AP5M1: variants seen among roughly 807,000 people sequenced by gnomAD.
The protein encoded by AP5M1 is AP-5 complex subunit mu-1.
In AP5M1, 44 loss-of-function variants were observed where a neutral mutation model predicts 52.3. The ratio of observed to expected loss-of-function variants is 0.84; its 90% CI spans 0.66 to 1.08. The LOEUF (loss-of-function observed/expected upper bound fraction) is 1.08. AP5M1 is among the 50% of genes least tolerant of loss of function. The pLI is 0.00. For synonymous variants in AP5M1, 213 were observed against 199.0 expected (o/e 1.07, Z -0.59); for missense variants, 526 against 568.4 (o/e 0.93, Z 0.76).
chr14:57,286,102 T>G, intron 6 of AP5M1, 121 bp from the exon 7 acceptor site: 4 of 656,212 alleles, frequency 6.1e-6, no homozygotes, highest in Non-Finnish European at 1.1e-5. Flanking sequence ...TTAGTACTTG[T>G]GGTTTTTATT....
In AP5M1 at chr14:57,286,430, A is replaced by G. The variant is rs1885310859; in HGVS notation, c.1390+111A>G. The G allele has an allele frequency of 6.9e-6, 5 of 726,288 alleles. No homozygotes were observed. In the East Asian group the frequency reaches 1.0e-4, roughly 15 times the overall value. The allele number at this position is 726,288 out of a possible 1,614,324, so 45.0% of individuals were successfully genotyped here. A position where few individuals can be genotyped will look rare whatever the true frequency, so the allele number is the denominator to read the frequency against. ...ACTTAGAGATTAGAGAATAATCCCA[A>G]TTTATAAAATTCTGGGCTGATTCTA... On this transcript the variant is annotated intron_variant, in intron 7 of 7. Transcript: ENST00000261558.
Position 57,274,445 on chromosome 14 carries a change from A to G in AP5M1, c.276A>G (p.Glu92=). The change falls in exon 2 of 8, where the codon GAA becomes GAG. Residue 92 remains glutamate (E), a synonymous_variant. Transcript: ENST00000261558. ...SIYGLLIGGE[E]LWPVVAFLKN... ...ATGGACTCCTGATAGGAGGTGAAGA[A>G]CTCTGGCCAGTTGTTGCTTTTCTGA... The G allele has an allele frequency of 3.1e-6, 5 of 1,614,010 alleles. No homozygotes were observed. The highest frequency in any genetic ancestry group is 4.2e-6 in the Non-Finnish European group (5 of 1,180,004).
intron 1 of AP5M1, among the ~76,000 whole-genome samples, chr14:57,272,896 TTTGCTTGC>T (rs1224152468): frequency 6.6e-6 from 1 of 150,862 alleles, no homozygotes; most frequent in Non-Finnish European, 1.5e-5. Flanking sequence ...TGTTTGTTTG[TTTGCTTGC>T]TTGCTTGCTT....
At position 57,269,313 on chromosome 14, in the gene AP5M1, C is replaced by A; in HGVS notation, c.-2C>A. 1 of 1,614,100 alleles carries A rather than the reference C, an allele frequency of 6.2e-7. No homozygotes were observed. The highest frequency in any genetic ancestry group is 8.5e-7 in the Non-Finnish European group (1 of 1,179,984). On this transcript the variant is annotated 5_prime_UTR_variant, in exon 1 of 8. Transcript: ENST00000261558. ...ATGAGCTAATGCTTTACTGACTTAACCATGGCGCAGCGGGCAGTGTGGCTC... is the reference window on the plus strand; with the variant it reads ...ATGAGCTAATGCTTTACTGACTTAAACATGGCGCAGCGGGCAGTGTGGCTC...
intron 1 of AP5M1, among the ~76,000 whole-genome samples, chr14:57,272,291 C>G (rs1364177916): frequency 1.3e-5 from 2 of 152,054 alleles, no homozygotes; most frequent in Non-Finnish European, 2.9e-5. Context: ...GGTGTTAGAG[C>G]TACACAGATA....
At position 57,271,612 on chromosome 14, in the gene AP5M1, T is replaced by G. The variant is rs1884897902; in HGVS notation, c.74+2224T>G. ...GTCATTTTTAGATAGTACAGATATT[T>G]TCTTTAATTTACCATTGTCAATTAA... On this transcript the variant is annotated intron_variant, in intron 1 of 7. Coordinates refer to ENST00000261558, the MANE Select transcript of AP5M1 (RefSeq NM_018229.4). Among the ~76,000 whole-genome samples the G allele has an allele frequency of 2.0e-5, 3 of 147,182 alleles. 1 individual carries two copies. In the South Asian group the frequency reaches 6.3e-4, roughly 31 times the overall value.
In AP5M1 at chr14:57,286,258, A is replaced by T. The variant is rs1178241202; in HGVS notation, c.1329A>T (p.Gly443=). ...GGATCTTAGATTACACACTTACTGG[A>T]TGTTATGCAGATCAGCATTCAGTTC... ...HFRILDYTLT[G]CYADQHSVQV... is the part of the protein sequence containing the mutation. The change falls in exon 7 of 8, where the codon GGA becomes GGT. Residue 443 remains glycine, a synonymous_variant. Coordinates refer to ENST00000261558, the MANE Select transcript of AP5M1 (RefSeq NM_018229.4). 2.5e-6 allele frequency: 4 copies of T among 1,612,766 alleles called. No homozygotes were observed. The highest frequency in any genetic ancestry group is 3.4e-6 in the Non-Finnish European group (4 of 1,179,146).
intron 2 of AP5M1, among the ~76,000 whole-genome samples, chr14:57,277,823 ATG>A (rs1230135148): frequency 1.3e-5 from 2 of 151,936 alleles, no homozygotes; most frequent in East Asian, 3.8e-4. Context: ...ACGCATAGAA[ATG>A]TGTCAGGCAC....
rs1885376676 is a variant in AP5M1 at position 57,288,974 on chromosome 14, G to A, written c.*90G>A. On this transcript the variant is annotated 3_prime_UTR_variant, in exon 8 of 8. Coordinates refer to ENST00000261558, the MANE Select transcript of AP5M1 (RefSeq NM_018229.4). ...TTTAATGTGGATGCATATAACCTGT[G>A]AGTGAAAAATCACTGAATGATTTAA... 1.4e-6 allele frequency: 1 copy of A among 735,292 alleles called. No individual in the cohort carries two copies. Among genetic ancestry groups the A allele is most frequent in the Non-Finnish European group, 2.2e-6 (1 of 454,966 alleles). 45.5% of individuals were successfully genotyped at this position (735,292 alleles called of 1,614,324 possible). A position where few individuals can be genotyped will look rare whatever the true frequency, so the allele number is the denominator to read the frequency against.
chr14:57,292,390 A>C lies in AP5M1; in HGVS notation c.*3506A>C, dbSNP rs778590250. On this transcript the variant is annotated 3_prime_UTR_variant, in exon 8 of 8. Coordinates refer to ENST00000261558, the MANE Select transcript of AP5M1 (RefSeq NM_018229.4). Reference sequence around the variant, plus strand: ...CAACTGAGATTAGGGAGATCACTAGAACACTACCAGGGTGTGCGTTTATTC... The same window carrying C: ...CAACTGAGATTAGGGAGATCACTAGCACACTACCAGGGTGTGCGTTTATTC... 22 of 151,840 alleles carry C rather than the reference A, an allele frequency of 1.4e-4. No individual in the cohort carries two copies. Among genetic ancestry groups the C allele is most frequent in the Non-Finnish European group, 2.9e-4 (20 of 67,818 alleles). 9.4% of individuals were successfully genotyped at this position (151,840 alleles called of 1,614,324 possible).
At chr14:57,283,286 C>G in intron 6 of AP5M1, 56 bp downstream of exon 6, 1 of 1,011,634 alleles carries the variant, frequency 9.9e-7, no homozygotes, top group South Asian at 1.6e-5. Context: ...TTATAAATTG[C>G]ATATTTCTAG....
chr14:57,271,372 C>T (rs1884892362), intron 1 of AP5M1: 1 of 152,238 alleles, frequency 6.6e-6, no homozygotes, highest in African/African-American at 2.4e-5. Flanking sequence ...AGAAGGGGTT[C>T]CCGTATCTCC....
Position 57,294,307 on chromosome 14 carries a change from A to G in AP5M1, c.*5423A>G, listed in dbSNP as rs554940005. On this transcript the variant is annotated 3_prime_UTR_variant, in exon 8 of 8. Coordinates refer to ENST00000261558, the MANE Select transcript of AP5M1 (RefSeq NM_018229.4). ...CTGTTGAACATTTAAAGTCAAAACT[A>G]CATGTTTCCTTTAAATGGCCTCTTT... 4.3e-4 allele frequency: 66 copies of G among 151,986 alleles called. No individual in the cohort carries two copies. Among genetic ancestry groups the G allele is most frequent in the African/African-American group, 1.5e-3 (64 of 41,538 alleles). 9.4% of individuals were successfully genotyped at this position (151,986 alleles called of 1,614,324 possible).
rs1885483040 is a variant in AP5M1, at chr14:57,293,499, A to G, written c.*4615A>G. ...GCCAGCCTCCTCTAGTTTCAATTTA[A>G]TAACTAGTTTCAAAATATATTTTGA... On this transcript the variant is annotated 3_prime_UTR_variant, in exon 8 of 8. Coordinates refer to ENST00000261558, the MANE Select transcript of AP5M1 (RefSeq NM_018229.4). The G allele has an allele frequency of 6.6e-6, 1 of 151,764 alleles. No individual in the cohort carries two copies. Among genetic ancestry groups the G allele is most frequent in the Admixed American group, 6.6e-5 (1 of 15,194 alleles). 9.4% of individuals were successfully genotyped at this position (151,764 alleles called of 1,614,324 possible). A position where few individuals can be genotyped will look rare whatever the true frequency, so the allele number is the denominator to read the frequency against.
At chr14:57,279,041 G>A (rs1885108658) in intron 2 of AP5M1, among the ~76,000 whole-genome samples, 1 of 152,186 alleles carries the variant, frequency 6.6e-6, no homozygotes, top group African/African-American at 2.4e-5. Flanking sequence ...ACAGGTGCTG[G>A]CAAGATTGCA....
At chr14:57,275,401 T>TGG (rs985153224) in intron 2 of AP5M1, 9 of 51,622 alleles carry the variant, frequency 1.7e-4, no homozygotes, top group African/African-American at 5.0e-4. Flanking sequence ...GAGAGAGGGG[T>TGG]GGGGGGGGGA....
chr14:57,283,395 T>C (rs933643395), intron 6 of AP5M1, among the ~76,000 whole-genome samples, 165 bp downstream of exon 6: 7 of 152,338 alleles, frequency 4.6e-5, no homozygotes, highest in Admixed American at 4.6e-4. Context: ...TGTTGTTGTT[T>C]AGTATTAGTC....
rs1566511506 is a variant in AP5M1, at chr14:57,269,249, C to A, written c.-66C>A. 1 of 1,467,852 alleles carries A rather than the reference C, an allele frequency of 6.8e-7. No individual in the cohort carries two copies. Among genetic ancestry groups the A allele is most frequent in the Non-Finnish European group, 9.5e-7 (1 of 1,053,752 alleles). The allele number at this position is 1,467,852 out of a possible 1,614,324, so 90.9% of individuals were successfully genotyped here. Reference sequence around the variant, plus strand: ...CTGTTAAGAGTCTGTCTGAGAAAGCCGGTCTGCGCTGTTCCTCGGTGGCGA... The same window carrying A: ...CTGTTAAGAGTCTGTCTGAGAAAGCAGGTCTGCGCTGTTCCTCGGTGGCGA... On this transcript the variant is annotated 5_prime_UTR_variant, in exon 1 of 8. Transcript: ENST00000261558.
At chr14:57,284,559 G>C (rs1594706646) in intron 6 of AP5M1, among the ~76,000 whole-genome samples, 1 of 152,236 alleles carries the variant, frequency 6.6e-6, no homozygotes, top group East Asian at 1.9e-4. Context: ...AGTGTCAACA[G>C]AAAGAGAAAA....
Sources: allele counts gnomAD v4.1 joint callset (sites outside exome capture counted in the v4.1 genomes callset), GRCh38; gene constraint gnomAD v4.1.1; transcripts MANE v1.5; gene names NCBI Gene and HGNC (gene_info 2026-07-23, HGNC 2026-07-21).